GRIN2A: variants seen among roughly 807,000 people sequenced by gnomAD.
The protein encoded by GRIN2A is glutamate ionotropic receptor NMDA type subunit 2A.
In GRIN2A, 22 loss-of-function variants were observed where a neutral mutation model predicts 113.4. The observed-to-expected ratio is 0.19, with a 90% CI of 0.14 to 0.28. GRIN2A has a LOEUF of 0.28. GRIN2A is among the 10% of genes least tolerant of loss of function. The probability of loss-of-function intolerance (pLI) is 1.00; values close to 1 mark genes in which losing one functional copy is unlikely to be tolerated. For synonymous variants in GRIN2A, 827 were observed against 738.4 expected (o/e 1.12, Z -1.94); for missense variants, 1,502 against 1,887.0 (o/e 0.80, Z 3.78).
At chr16:9,901,908 G>T (rs768814566) in intron 3 of GRIN2A, among the ~76,000 whole-genome samples, 1 of 152,178 alleles carries the variant, frequency 6.6e-6, no homozygotes, top group African/African-American at 2.4e-5. Flanking sequence ...GAGTAAGAGC[G>T]ATCACTTAAG....
chr16:9,931,175 C>A (rs544557516), intron 3 of GRIN2A, among the ~76,000 whole-genome samples: 3 of 152,004 alleles, frequency 2.0e-5, no homozygotes, highest in Non-Finnish European at 4.4e-5. Flanking sequence ...GTCCTACTTC[C>A]CTAACTAAAA....
intron 12 of GRIN2A, 134 bp from the exon 13 acceptor site, chr16:9,765,082 C>T (rs1252893872): frequency 1.9e-6 from 2 of 1,077,754 alleles, no homozygotes; most frequent in African/African-American, 3.1e-5. Flanking sequence ...AAAATTCAGT[C>T]TGAATCCTGA....
Position 9,949,839 on chromosome 16 carries a change from G to A in GRIN2A, c.415-11288C>T, listed in dbSNP as rs142573550. 2.5e-3 allele frequency among the ~76,000 whole-genome samples: 384 copies of A among 152,146 alleles called. 2 individuals carry two copies. Among genetic ancestry groups the A allele is most frequent in the African/African-American group, 8.9e-3 (369 of 41,508 alleles). On this transcript the variant is annotated intron_variant, in intron 2 of 12. Transcript: ENST00000330684. ...GGTATAAGAGATTGAAGAAATAAAC[G>A]AACATCCAGTGAGAAAGGCAGTGGC...
intron 4 of GRIN2A, among the ~76,000 whole-genome samples, chr16:9,888,411 A>AGGC (rs2043628098): frequency 6.6e-6 from 1 of 152,066 alleles, no homozygotes; most frequent in Non-Finnish European, 1.5e-5. Context: ...TATCTTTCAC[A>AGGC]TTTAAGCCTG....
At chr16:9,844,981 T>A (rs993758646) in intron 5 of GRIN2A, among the ~76,000 whole-genome samples, 15 of 152,198 alleles carry the variant, frequency 9.9e-5, no homozygotes, top group Admixed American at 6.5e-5. Flanking sequence ...ACAATCATGT[T>A]GTCTAACAGG....
intron 2 of GRIN2A, among the ~76,000 whole-genome samples, chr16:10,102,846 A>T (rs1170942083): frequency 6.6e-6 from 1 of 152,142 alleles, no homozygotes; most frequent in Admixed American, 6.5e-5. Flanking sequence ...AAAATCAAAG[A>T]CTACATTTAT....
intron 3 of GRIN2A, among the ~76,000 whole-genome samples, chr16:9,919,382 C>T (rs1411338069): frequency 6.6e-6 from 1 of 152,216 alleles, no homozygotes; most frequent in South Asian, 2.1e-4. Context: ...TGCCATATAT[C>T]ATATAGCTCA....
chr16:10,164,365 G>C (rs2049865614), intron 2 of GRIN2A, among the ~76,000 whole-genome samples: 1 of 152,198 alleles, frequency 6.6e-6, no homozygotes, highest in Non-Finnish European at 1.5e-5. Flanking sequence ...TTGGGTCAGG[G>C]TCTGCGGGAC....
chr16:9,856,322 G>A (rs2042966402), intron 4 of GRIN2A, among the ~76,000 whole-genome samples: 1 of 152,060 alleles, frequency 6.6e-6, no homozygotes, highest in South Asian at 2.1e-4. Flanking sequence ...GTTACAACAA[G>A]GCCACAGAGT....
At position 9,775,331 on chromosome 16, in the gene GRIN2A, G is replaced by A. The variant is rs149497199; in HGVS notation, c.2357-6242C>T. Among the ~76,000 whole-genome samples the A allele has an allele frequency of 2.0e-3, 302 of 152,258 alleles. 1 individual carries two copies. The highest frequency in any genetic ancestry group is 6.8e-3 in the African/African-American group (283 of 41,556). ...TATTTCATGTCTGGTCAAGGAAGCT[G>A]TTGCTTTTTGGTTTTCCGAGGACTT... On this transcript the variant is annotated intron_variant, in intron 11 of 12. Coordinates refer to ENST00000330684, the MANE Select transcript of GRIN2A (RefSeq NM_001134407.3).
At chr16:9,807,281 G>A (rs1567312491) in intron 10 of GRIN2A, among the ~76,000 whole-genome samples, 1 of 18,584 alleles carries the variant, frequency 5.4e-5, no homozygotes, top group African/African-American at 2.4e-4. Flanking sequence ...GGAGGGGGAG[G>A]GGGAGAGGGA....
rs572073466 is a variant in GRIN2A at position 10,100,646 on chromosome 16, T to A, written c.414+79352A>T. On this transcript the variant is annotated intron_variant, in intron 2 of 12. Coordinates refer to ENST00000330684, the MANE Select transcript of GRIN2A (RefSeq NM_001134407.3). ...AAGATGCTTTTCAGTTCACATCTTT[T>A]TAAATGATTGTCTGTCCACACTGTT... Among the ~76,000 whole-genome samples, 5 of 152,348 alleles carry A rather than the reference T, an allele frequency of 3.3e-5. No homozygotes were observed. In the East Asian group the frequency reaches 9.6e-4, roughly 29 times the overall value.
chr16:9,809,176 T>A (rs2077135373), intron 10 of GRIN2A, among the ~76,000 whole-genome samples: 1 of 152,116 alleles, frequency 6.6e-6, no homozygotes. Flanking sequence ...TCCCAGCACT[T>A]TGGGAGGCCG....
At chr16:10,002,524 A>C (rs752369915) in intron 2 of GRIN2A, among the ~76,000 whole-genome samples, 1 of 152,192 alleles carries the variant, frequency 6.6e-6, no homozygotes, top group African/African-American at 2.4e-5. Flanking sequence ...GTAGTCATCT[A>C]TAGGTACCTT....
intron 2 of GRIN2A, among the ~76,000 whole-genome samples, chr16:10,098,615 T>TA (rs1016457853): frequency 5.3e-5 from 8 of 152,162 alleles, no homozygotes; most frequent in African/African-American, 1.9e-4. Context: ...CACGATGGAA[T>TA]AAAACTCAGC....
At chr16:9,921,151 C>T (rs899132471) in intron 3 of GRIN2A, among the ~76,000 whole-genome samples, 4 of 152,148 alleles carry the variant, frequency 2.6e-5, no homozygotes, top group African/African-American at 9.7e-5. Context: ...TTATTATTGG[C>T]AATGCCAAAC....
At chr16:9,780,649 C>A (rs1901884484) in intron 11 of GRIN2A, among the ~76,000 whole-genome samples, 2 of 152,102 alleles carry the variant, frequency 1.3e-5, no homozygotes, top group Non-Finnish European at 1.5e-5. Context: ...CACAGCTGTA[C>A]AAAAATTAAC....
chr16:9,787,557 G>C (rs138391499), intron 11 of GRIN2A, among the ~76,000 whole-genome samples: 24 of 152,270 alleles, frequency 1.6e-4, no homozygotes, highest in African/African-American at 5.5e-4. Context: ...AGGACCTCCT[G>C]GGGGGCTGTG....
intron 2 of GRIN2A, chr16:10,111,651 C>T: frequency 6.5e-7 from 1 of 1,550,320 alleles, no homozygotes; most frequent in Non-Finnish European, 8.9e-7. Context: ...GTATTGGTTT[C>T]ATTCACCACA....
Sources: allele counts gnomAD v4.1 joint callset (sites outside exome capture counted in the v4.1 genomes callset), GRCh38; gene constraint gnomAD v4.1.1; transcripts MANE v1.5; gene names NCBI Gene and HGNC (gene_info 2026-07-23, HGNC 2026-07-21).